Variants in SYDE2 observed in about 807,000 individuals in gnomAD.
SYDE2 encodes the protein rho GTPase-activating protein SYDE2.
A neutral mutation model predicts 91.5 loss-of-function variants in SYDE2; 76 were observed. That is an observed-to-expected ratio of 0.83 (90% confidence interval 0.69 to 1.01). The LOEUF (loss-of-function observed/expected upper bound fraction) is 1.01, where lower values mean the gene tolerates loss of function less well. Among genes scored for constraint, SYDE2 ranks in the 50% least tolerant of loss-of-function variants. The pLI, the probability that SYDE2 is intolerant of heterozygous loss-of-function variation, is 0.00. For missense variants in SYDE2, 1,364 were observed against 1,367.7 expected (o/e 1.00, Z 0.04); for synonymous variants, 513 against 506.4 (o/e 1.01, Z -0.18).
At position 85,174,026 on chromosome 1, in the gene SYDE2, A is replaced by T. The variant is rs1657598909; in HGVS notation, c.2671+4120T>A. On this transcript the variant is annotated intron_variant, in intron 4 of 6. Coordinates refer to ENST00000341460, the MANE Select transcript of SYDE2 (RefSeq NM_032184.2). ...AAGATACAGCAATAGAAACAATCTAAAATGAAACGAAGTATGGAAAAAGCT... is the reference window on the plus strand; with the variant it reads ...AAGATACAGCAATAGAAACAATCTATAATGAAACGAAGTATGGAAAAAGCT... 2.7e-5 allele frequency among the ~76,000 whole-genome samples: 4 copies of T among 150,544 alleles called. No homozygotes were observed. The South Asian group carries it at 8.3e-4, about 31-fold the overall frequency.
chr1:85,161,264 A>G (rs1657047214), intron 6 of SYDE2: 1 of 236,446 alleles, frequency 4.2e-6, no homozygotes, highest in East Asian at 1.8e-4. Flanking sequence ...TTTATCTATA[A>G]TTACCTTATT....
intron 1 of SYDE2, among the ~76,000 whole-genome samples, chr1:85,196,779 A>C (rs1658603204): frequency 6.6e-6 from 1 of 152,224 alleles, no homozygotes; most frequent in Admixed American, 6.5e-5. Flanking sequence ...TATGCAATTC[A>C]TAAAGATAAA....
chr1:85,190,523 C>G lies in SYDE2; in HGVS notation c.975G>C (p.Gln325His). ...ATGATTTGAGGAAAGACTGTGATAG[C>G]TGATGTTTAGGTAGAGACACAGGTG... ...SISPVSLPKHQLSQSFLKSSK... is the reference protein window; with the variant it reads ...SISPVSLPKHHLSQSFLKSSK... Residue 325 changes from glutamine (Q) to histidine (H), a missense_variant, in exon 2 of 7, where the codon CAG becomes CAC. Gln to His is a conservative substitution (Grantham distance 24). Coordinates refer to ENST00000341460, the MANE Select transcript of SYDE2 (RefSeq NM_032184.2). The G allele has an allele frequency of 6.2e-7, 1 of 1,613,962 alleles. No individual in the cohort carries two copies. The highest frequency in any genetic ancestry group is 1.3e-5 in the African/African-American group (1 of 75,056).
chr1:85,160,318 A>C (rs1263338644), intron 6 of SYDE2: 1 of 918,298 alleles, frequency 1.1e-6, no homozygotes, highest in Non-Finnish European at 1.3e-6. Flanking sequence ...CCAGACTTAA[A>C]GTGATATTCA....
At chr1:85,175,037 T>A (rs1011084281) in intron 4 of SYDE2, among the ~76,000 whole-genome samples, 1 of 152,184 alleles carries the variant, frequency 6.6e-6, no homozygotes, top group Non-Finnish European at 1.5e-5. Context: ...CATGGTCAAA[T>A]GAACTTTCAG....
chr1:85,177,865 T>C (rs1418045245), intron 4 of SYDE2, among the ~76,000 whole-genome samples: 4 of 152,160 alleles, frequency 2.6e-5, no homozygotes. Flanking sequence ...TTCCAAAGCA[T>C]TTTATTTATC....
chr1:85,159,941 T>C, intron 6 of SYDE2: 1 of 984,808 alleles, frequency 1.0e-6, no homozygotes, highest in Non-Finnish European at 1.2e-6. Flanking sequence ...ATTTTCCACA[T>C]TAAGACTAGT....
chr1:85,173,162 G>A (rs192489607), intron 4 of SYDE2, among the ~76,000 whole-genome samples: 28 of 152,268 alleles, frequency 1.8e-4, no homozygotes, highest in African/African-American at 5.8e-4. Flanking sequence ...GAGGTCACTA[G>A]GGTGGGCCCT....
downstream of SYDE2, among the ~76,000 whole-genome samples, chr1:85,154,823 A>G (rs546445736): frequency 1.4e-4 from 21 of 152,196 alleles, 1 homozygote; most frequent in East Asian, 2.5e-3. Flanking sequence ...TCAAAATTCT[A>G]AAGAAAAATG....
intron 2 of SYDE2, among the ~76,000 whole-genome samples, chr1:85,185,904 T>C (rs953975687): frequency 6.6e-6 from 1 of 152,200 alleles, no homozygotes; most frequent in Non-Finnish European, 1.5e-5. Flanking sequence ...TTCCAGTTTT[T>C]GCCCATTCAG....
At chr1:85,197,705 A>C (rs1423865957) in intron 1 of SYDE2, among the ~76,000 whole-genome samples, 4 of 152,088 alleles carry the variant, frequency 2.6e-5, no homozygotes, top group Admixed American at 1.3e-4. Flanking sequence ...CCCAGGCTAG[A>C]GTGCAGTGAC....
At chr1:85,160,027 A>C in intron 6 of SYDE2, 1 of 984,572 alleles carries the variant, frequency 1.0e-6, no homozygotes, top group Non-Finnish European at 1.2e-6. Context: ...TTACAAACCA[A>C]GGTTTACTCT....
rs1657781104 is a variant in SYDE2, at chr1:85,178,236, C to G, written c.2581G>C (p.Val861Leu). 1 of 1,581,110 alleles carries G rather than the reference C, an allele frequency of 6.3e-7. No individual in the cohort carries two copies. The highest frequency in any genetic ancestry group is 8.6e-7 in the Non-Finnish European group (1 of 1,162,332). The change falls in exon 4 of 7, where the codon GTC becomes CTC. Residue 861 changes from valine to leucine, a missense_variant. Physicochemically the swap from Val to Leu is conservative, Grantham distance 32. Transcript: ENST00000341460. Reference protein sequence around the residue: ...GLYRLCGSAAVKKELREAFER... With the variant: ...GLYRLCGSAALKKELREAFER... Reference sequence around the variant, plus strand: ...AAAGCCTCTCGCAGTTCTTTCTTGACTGCTGCCGAACCACATAATCGATAC... The same window carrying G: ...AAAGCCTCTCGCAGTTCTTTCTTGAGTGCTGCCGAACCACATAATCGATAC...
intron 6 of SYDE2, among the ~76,000 whole-genome samples, chr1:85,164,286 T>G (rs144128785): frequency 1.3e-5 from 2 of 152,264 alleles, no homozygotes; most frequent in East Asian, 3.9e-4. Flanking sequence ...ACAACCAGGA[T>G]TTAAATCTAG....
chr1:85,154,076 A>G (rs1656825196), downstream of SYDE2: 1 of 152,180 alleles, frequency 6.6e-6, no homozygotes, highest in African/African-American at 2.4e-5. Flanking sequence ...ATTCAGAGTG[A>G]AAATTGGTCA....
chr1:85,169,412 A>ATC (rs1657419709), intron 4 of SYDE2, among the ~76,000 whole-genome samples, 187 bp from the exon 5 acceptor site: 3 of 152,228 alleles, frequency 2.0e-5, no homozygotes, highest in African/African-American at 7.2e-5. Context: ...TTGGTAATTG[A>ATC]CTTGTTTTGA....
Position 85,190,159 on chromosome 1 carries a change from G to C in SYDE2, c.1339C>G (p.His447Asp). Reference protein sequence around the residue: ...SNGMNPIHPAHSTEFVQQYKQ... With the variant: ...SNGMNPIHPADSTEFVQQYKQ... ...TACTGCTGCACAAATTCTGTGGAATGGGCAGGATGTATAGGATTCATTCCA... is the reference window on the plus strand; with the variant it reads ...TACTGCTGCACAAATTCTGTGGAATCGGCAGGATGTATAGGATTCATTCCA... Residue 447 changes from histidine (H) to aspartate (D), a missense_variant, in exon 2 of 7, where the codon CAT (histidine) becomes GAT (aspartate). Physicochemically the swap from His to Asp is moderately conservative, Grantham distance 81 (BLOSUM62 -1). Coordinates refer to ENST00000341460, the MANE Select transcript of SYDE2 (RefSeq NM_032184.2). 6.2e-7 allele frequency: 1 copy of C among 1,613,938 alleles called. No homozygotes were observed. The highest frequency in any genetic ancestry group is 8.5e-7 in the Non-Finnish European group (1 of 1,179,876).
At position 85,183,058 on chromosome 1, in the gene SYDE2, T is replaced by C. The variant is rs754498734; in HGVS notation, c.1584A>G (p.Lys528=). Residue 528 remains lysine, a synonymous_variant, in exon 3 of 7, where the codon AAA becomes AAG. Coordinates refer to ENST00000341460, the MANE Select transcript of SYDE2 (RefSeq NM_032184.2). ...DKIKSPRTVR[K]LSMKMKKLPE... ...GCAACTTTTTCATTTTCATGGAAAGTTTCCTCACAGTTCGTGGAGATTTTA... is the reference window on the plus strand; with the variant it reads ...GCAACTTTTTCATTTTCATGGAAAGCTTCCTCACAGTTCGTGGAGATTTTA... 10 of 1,613,246 alleles carry C rather than the reference T, an allele frequency of 6.2e-6. No homozygotes were observed. The highest frequency in any genetic ancestry group is 8.5e-6 in the Non-Finnish European group (10 of 1,179,738).
Position 85,169,169 on chromosome 1 carries a change from A to T in SYDE2, c.2728T>A (p.Tyr910Asn), listed in dbSNP as rs775439292. Reference sequence around the variant, plus strand: ...GCCATTGCATCTAATACAGCCTCATAAAGCTGCTTTGTTATCAGAGGAGAA... The same window carrying T: ...GCCATTGCATCTAATACAGCCTCATTAAGCTGCTTTGTTATCAGAGGAGAA... ...LPSPLITKQL[Y>N]EAVLDAMAKS... The change falls in exon 5 of 7, where the codon TAT becomes AAT. Residue 910 changes from tyrosine to asparagine, a missense_variant. Coordinates refer to ENST00000341460, the MANE Select transcript of SYDE2 (RefSeq NM_032184.2). The T allele has an allele frequency of 1.2e-6, 2 of 1,613,904 alleles. No homozygotes were observed. The highest frequency in any genetic ancestry group is 1.7e-6 in the Non-Finnish European group (2 of 1,179,820).
Sources: gnomAD v4.1 joint callset for allele counts (sites outside exome capture counted in the v4.1 genomes callset) on GRCh38, gnomAD v4.1.1 for gene constraint, MANE v1.5 for transcripts, NCBI Gene and HGNC (gene_info 2026-07-23, HGNC 2026-07-21) for gene names.